Variants in ANO6 observed in about 807,000 individuals in gnomAD.
The protein encoded by ANO6 is anoctamin 6.
A neutral mutation model predicts 117.5 loss-of-function variants in ANO6; 106 were observed. That is an observed-to-expected ratio of 0.90 (90% CI 0.77 to 1.06). The LOEUF (loss-of-function observed/expected upper bound fraction) is 1.06. Ranked by LOEUF, ANO6 falls within the 50% of genes least tolerant of loss-of-function variation. The pLI, the probability that ANO6 is intolerant of heterozygous loss-of-function variation, is 0.00. For missense variants in ANO6, 955 were observed against 1,121.1 expected (o/e 0.85, Z 2.12); for synonymous variants, 367 against 385.1 (o/e 0.95, Z 0.55).
chr12:45,433,163 G>A (rs183318137), downstream of ANO6, among the ~76,000 whole-genome samples: 121 of 152,226 alleles, frequency 7.9e-4, no homozygotes, highest in African/African-American at 2.7e-3. Flanking sequence ...TAGGATACCC[G>A]CTTCTAGTTA....
At chr12:45,417,044 A>C in intron 17 of ANO6, 140 bp downstream of exon 17, 1 of 811,104 alleles carries the variant, frequency 1.2e-6, no homozygotes, top group South Asian at 1.7e-5. Context: ...TAGTTGCTAT[A>C]TATAACCACT....
intron 15 of ANO6, among the ~76,000 whole-genome samples, chr12:45,407,421 C>T (rs1258050384): frequency 7.0e-6 from 1 of 142,310 alleles, no homozygotes; most frequent in African/African-American, 2.6e-5. Flanking sequence ...CACCCAGTGA[C>T]CTTAGAGTTC....
rs5797940 is a variant in ANO6 at position 45,352,560 on chromosome 12, TAA to T, written c.863+1807_863+1808del. On this transcript the variant is annotated intron_variant, in intron 7 of 19. Transcript: ENST00000320560. ...TGAGCAGCATAGTGAGATCCAGTCTTAAAAAAAAAAAAAAAAAAAAAAGCCAG... is the reference window on the plus strand; with the variant it reads ...TGAGCAGCATAGTGAGATCCAGTCTTAAAAAAAAAAAAAAAAAAAAGCCAG... Among the ~76,000 whole-genome samples the T allele has an allele frequency of 2.6e-3, 243 of 93,886 alleles. 3 individuals carry two copies. Among genetic ancestry groups the T allele is most frequent in the Middle Eastern group, 6.1e-3 (1 of 164 alleles). 61.6% of individuals were successfully genotyped at this position (93,886 alleles called of 152,430 possible).
At chr12:45,292,814 T>G in intron 1 of ANO6, 3 of 1,513,430 alleles carry the variant, frequency 2.0e-6, no homozygotes, top group Non-Finnish European at 2.7e-6. Flanking sequence ...TTGCTGTTTG[T>G]GGATGATAGA....
In ANO6 at chr12:45,409,343, G is replaced by A. The variant is rs1425223657; in HGVS notation, c.1881-14G>A. 1 of 1,613,470 alleles carries A rather than the reference G, an allele frequency of 6.2e-7. No homozygotes were observed. The highest frequency in any genetic ancestry group is 2.2e-5 in the East Asian group (1 of 44,856). ...TAATATTCGTTCTAATTTATAAATT[G>A]TTCTTTTTGGCAGCTGGATCATGAA... On this transcript the variant is annotated splice_polypyrimidine_tract_variant and intron_variant, in intron 15 of 19. Coordinates refer to ENST00000320560, the MANE Select transcript of ANO6 (RefSeq NM_001025356.3).
chr12:45,226,898 T>A (rs1947490276), intron 1 of ANO6, among the ~76,000 whole-genome samples: 1 of 151,636 alleles, frequency 6.6e-6, no homozygotes, highest in Non-Finnish European at 1.5e-5. Context: ...GCATTGTTTC[T>A]TCCTATTAAA....
intron 1 of ANO6, among the ~76,000 whole-genome samples, chr12:45,284,839 GCCT>G (rs1938855975): frequency 6.6e-6 from 1 of 152,190 alleles, no homozygotes; most frequent in African/African-American, 2.4e-5. Context: ...ACAAAAGCAG[GCCT>G]CAGATGAAAC....
intron 2 of ANO6, among the ~76,000 whole-genome samples, chr12:45,329,165 A>G (rs757902421): frequency 2.6e-5 from 4 of 152,216 alleles, no homozygotes; most frequent in Non-Finnish European, 1.5e-5. Context: ...GATCTTGGAC[A>G]AATAATTTAA....
At chr12:45,271,232 A>G (rs576944282) in intron 1 of ANO6, among the ~76,000 whole-genome samples, 12 of 152,228 alleles carry the variant, frequency 7.9e-5, no homozygotes, top group Non-Finnish European at 1.8e-4. Context: ...TTCGAATAAC[A>G]TACAAATGTA....
chr12:45,360,440 G>A (rs1286589516), intron 8 of ANO6, among the ~76,000 whole-genome samples: 2 of 152,120 alleles, frequency 1.3e-5, no homozygotes, highest in Admixed American at 1.3e-4. Flanking sequence ...AGCCCTCATG[G>A]CCTAATCACT....
At chr12:45,298,747 T>A (rs1939380485) in intron 1 of ANO6, among the ~76,000 whole-genome samples, 1 of 152,200 alleles carries the variant, frequency 6.6e-6, no homozygotes, top group African/African-American at 2.4e-5. Context: ...CTTTCACAAA[T>A]CCATTCAAGC....
intron 1 of ANO6, among the ~76,000 whole-genome samples, chr12:45,233,910 C>T (rs537276793): frequency 3.4e-4 from 52 of 152,308 alleles, no homozygotes; most frequent in African/African-American, 1.2e-3. Context: ...CACAATCTTT[C>T]TGGGGATTCA....
rs191585338 is a variant in ANO6, at chr12:45,216,802, A to G, written c.70+411A>G. 6.1e-3 allele frequency among the ~76,000 whole-genome samples: 928 copies of G among 152,324 alleles called. 6 individuals are homozygous for G. The highest frequency in any genetic ancestry group is 0.02 in the African/African-American group (836 of 41,586). On this transcript the variant is annotated intron_variant, in intron 1 of 19. Coordinates refer to ENST00000320560, the MANE Select transcript of ANO6 (RefSeq NM_001025356.3). Reference sequence around the variant, plus strand: ...GGCGGGGTCCGGGGAGCAGGCCCGCATTTGGAGGACAGGGTGTGACCCATC... The same window carrying G: ...GGCGGGGTCCGGGGAGCAGGCCCGCGTTTGGAGGACAGGGTGTGACCCATC...
At position 45,439,496 on chromosome 12, in the gene ANO6, T is replaced by C. The variant is rs1172213640; in HGVS notation, c.2527-179T>C. Among the ~76,000 whole-genome samples, 3 of 152,166 alleles carry C rather than the reference T, an allele frequency of 2.0e-5. No individual in the cohort carries two copies. The East Asian group carries it at 5.8e-4, about 29-fold the overall frequency. On this transcript the variant is annotated intron_variant, in intron 19 of 19. Transcript: ENST00000425752. Reference sequence around the variant, plus strand: ...TTGATGCCCTGTTACTCCTTGTCCATGGGAGAATGGTAAAAGGCAGTCTGT... The same window carrying C: ...TTGATGCCCTGTTACTCCTTGTCCACGGGAGAATGGTAAAAGGCAGTCTGT...
At chr12:45,302,234 A>G in intron 2 of ANO6, 141 bp downstream of exon 2, 1 of 766,498 alleles carries the variant, frequency 1.3e-6, no homozygotes, top group Non-Finnish European at 2.2e-6. Context: ...CTGTGCGTTC[A>G]GAGCTCTGGT....
At chr12:45,359,584 C>A (rs182984853) in intron 8 of ANO6, among the ~76,000 whole-genome samples, 1 of 152,290 alleles carries the variant, frequency 6.6e-6, no homozygotes, top group Non-Finnish European at 1.5e-5. Context: ...ATTTCACCTA[C>A]TGTTTTCAAG....
intron 1 of ANO6, among the ~76,000 whole-genome samples, chr12:45,242,122 T>C (rs1180283502): frequency 6.6e-6 from 1 of 152,238 alleles, no homozygotes; most frequent in East Asian, 1.9e-4. Context: ...ACAGGGATGT[T>C]TAAGTCTGCA....
At chr12:45,295,095 G>A (rs1939242730) in intron 1 of ANO6, among the ~76,000 whole-genome samples, 1 of 152,186 alleles carries the variant, frequency 6.6e-6, no homozygotes, top group African/African-American at 2.4e-5. Context: ...AAACCATGTA[G>A]CGCTCTTATG....
intron 1 of ANO6, among the ~76,000 whole-genome samples, chr12:45,277,955 A>G (rs1938604597): frequency 6.6e-6 from 1 of 152,108 alleles, no homozygotes; most frequent in Non-Finnish European, 1.5e-5. Context: ...TAAAAAAATT[A>G]TTATATGTAT....
Sources: allele counts gnomAD v4.1 joint callset (sites outside exome capture counted in the v4.1 genomes callset), GRCh38; gene constraint gnomAD v4.1.1; transcripts MANE v1.5; gene names NCBI Gene and HGNC (gene_info 2026-07-23, HGNC 2026-07-21).